The following FBXW11 variants were observed in gnomAD, a reference collection of about 807,000 sequenced individuals.
FBXW11 encodes the protein F-box and WD repeat domain containing 11, also known as F-box/WD repeat-containing protein 11.
Under a neutral mutation model 77.6 loss-of-function variants are expected in FBXW11, and 19 were observed. The observed-to-expected ratio is 0.24, with a 90% CI of 0.17 to 0.36. The LOEUF (loss-of-function observed/expected upper bound fraction) is 0.36. FBXW11 is among the 10% of genes least tolerant of loss of function. The pLI is 1.00. For missense variants in FBXW11, 334 were observed against 704.2 expected, an observed-to-expected ratio of 0.47 and a Z score of 5.95; for synonymous variants, 235 against 249.4, an observed-to-expected ratio of 0.94 and a Z score of 0.54.
At chr5:171,939,606 G>A (rs1345154416) in intron 2 of FBXW11, among the ~76,000 whole-genome samples, 2 of 151,372 alleles carry the variant, frequency 1.3e-5, no homozygotes, top group African/African-American at 4.9e-5. Context: ...GCTGAGTGGG[G>A]AGGATCACTT....
intron 2 of FBXW11, among the ~76,000 whole-genome samples, chr5:171,945,231 A>C (rs1762947682): frequency 6.6e-6 from 1 of 152,258 alleles, no homozygotes; most frequent in African/African-American, 2.4e-5. Context: ...TGAAGAGGAG[A>C]TATCTGATCA....
chr5:171,983,180 C>T (rs1388488639), intron 1 of FBXW11, among the ~76,000 whole-genome samples: 1 of 151,876 alleles, frequency 6.6e-6, no homozygotes, highest in South Asian at 2.1e-4. Context: ...AGAGCAAGAC[C>T]GTCTCAAAAA....
chr5:171,896,228 A>G (rs1759737523), intron 6 of FBXW11, among the ~76,000 whole-genome samples: 1 of 152,198 alleles, frequency 6.6e-6, no homozygotes, highest in Admixed American at 6.5e-5. Context: ...GTGGAGGAAG[A>G]AGGAAAAAAA....
intron 1 of FBXW11, among the ~76,000 whole-genome samples, chr5:172,004,105 T>C (rs991496548): frequency 3.3e-5 from 5 of 152,224 alleles, no homozygotes; most frequent in African/African-American, 1.2e-4. Context: ...TTCTGGAAAC[T>C]GTAATTGAAA....
chr5:172,003,145 C>T (rs1404489525), intron 1 of FBXW11: 1 of 152,090 alleles, frequency 6.6e-6, no homozygotes, highest in Non-Finnish European at 1.5e-5. Context: ...ATAAACCATC[C>T]ATTAATTGTG....
intron 2 of FBXW11, among the ~76,000 whole-genome samples, chr5:171,936,935 C>T (rs148388095): frequency 2.6e-5 from 4 of 152,244 alleles, no homozygotes; most frequent in Non-Finnish European, 5.9e-5. Context: ...AAAAGAAGAA[C>T]AATTCCTTCA....
chr5:171,992,330 G>A lies in FBXW11; in HGVS notation c.45+14128C>T, dbSNP rs12654059. Among the ~76,000 whole-genome samples, 84 of 152,078 alleles carry A rather than the reference G, an allele frequency of 5.5e-4. 1 individual carries two copies. The South Asian group carries it at 0.016, about 30-fold the overall frequency. On this transcript the variant is annotated intron_variant, in intron 1 of 13. Transcript: ENST00000517395. ...GTAGTCCCAGCTACCAGGAGGCTGA[G>A]GTGGGAGAATCGCTTGAACCCAGGA...
intron 7 of FBXW11, among the ~76,000 whole-genome samples, chr5:171,891,056 C>T (rs1759314285): frequency 6.6e-6 from 1 of 152,148 alleles, no homozygotes; most frequent in Admixed American, 6.5e-5. Flanking sequence ...AGTTTATCTA[C>T]TACTGAAAAG....
At chr5:171,931,872 T>C (rs1179862785) in intron 2 of FBXW11, among the ~76,000 whole-genome samples, 6 of 95,690 alleles carry the variant, frequency 6.3e-5, no homozygotes, top group African/African-American at 2.7e-4. Context: ...TCTCTCTCTC[T>C]CTCTCTCTCT....
intron 1 of FBXW11, among the ~76,000 whole-genome samples, chr5:172,006,031 C>T (rs906147678): frequency 6.6e-6 from 1 of 152,070 alleles, no homozygotes; most frequent in Non-Finnish European, 1.5e-5. Context: ...CAACCCATCT[C>T]CGTACTCCTT....
At chr5:171,970,799 C>T (rs1477188206) in intron 1 of FBXW11, among the ~76,000 whole-genome samples, 1 of 152,142 alleles carries the variant, frequency 6.6e-6, no homozygotes, top group Non-Finnish European at 1.5e-5. Context: ...TTTACACTTG[C>T]TCTTCTTCAT....
chr5:171,982,835 A>G (rs1463775744), intron 1 of FBXW11, among the ~76,000 whole-genome samples: 1 of 152,046 alleles, frequency 6.6e-6, no homozygotes, highest in African/African-American at 2.4e-5. Flanking sequence ...CACGACTCTA[A>G]TCTTTAAGAT....
At chr5:171,926,518 G>GGCATGAGTGAGT (rs1357155924) in intron 2 of FBXW11, among the ~76,000 whole-genome samples, 4 of 152,254 alleles carry the variant, frequency 2.6e-5, no homozygotes, top group Admixed American at 1.3e-4. Context: ...GTGCTGTCGT[G>GGCATGAGTGAGT]GCATGAGTGA....
intron 1 of FBXW11, among the ~76,000 whole-genome samples, chr5:171,992,498 A>AAG (rs773085535): frequency 6.6e-6 from 1 of 151,878 alleles, no homozygotes; most frequent in Non-Finnish European, 1.5e-5. Flanking sequence ...GAAGAAAGAA[A>AAG]AGAGAGAGAA....
intron 7 of FBXW11, among the ~76,000 whole-genome samples, chr5:171,883,517 T>G (rs1444286266): frequency 1.3e-5 from 2 of 152,114 alleles, no homozygotes; most frequent in African/African-American, 4.8e-5. Context: ...CCCTAAAACT[T>G]AAAGTATAAT....
At chr5:171,891,652 T>C in intron 6 of FBXW11, 48 bp from the exon 7 acceptor site, 6 of 1,581,236 alleles carry the variant, frequency 3.8e-6, no homozygotes, top group Non-Finnish European at 5.1e-6. Context: ...ATCAACTTAC[T>C]CTATTAGGTT....
At chr5:171,981,079 T>C (rs948378782) in intron 1 of FBXW11, among the ~76,000 whole-genome samples, 10 of 151,996 alleles carry the variant, frequency 6.6e-5, no homozygotes, top group African/African-American at 2.4e-4. Context: ...GGAATTGAGT[T>C]AATCACCAAT....
intron 2 of FBXW11, among the ~76,000 whole-genome samples, chr5:171,933,560 T>G (rs1762326306): frequency 6.6e-6 from 1 of 152,166 alleles, no homozygotes; most frequent in Non-Finnish European, 1.5e-5. Context: ...CCCTGTGGTA[T>G]GGGATGCCCA....
Position 171,915,021 on chromosome 5 carries a change from A to G in FBXW11, c.148-616T>C, listed in dbSNP as rs144743709. The stretch of plus-strand genomic sequence containing the variant: ...CTTTTGATTTTTGTGCTTACTGCAC[A>G]AAGAGGTACTGTGTAATTATTCTTT... On this transcript the variant is annotated intron_variant, in intron 2 of 13. Coordinates refer to ENST00000517395, the MANE Select transcript of FBXW11 (RefSeq NM_001378974.1). Among the ~76,000 whole-genome samples the G allele has an allele frequency of 3.7e-3, 571 of 152,326 alleles. 3 individuals are homozygous for G. Among genetic ancestry groups the G allele is most frequent in the African/African-American group, 0.013 (545 of 41,570 alleles).
Sources: allele counts gnomAD v4.1 joint callset (sites outside exome capture counted in the v4.1 genomes callset), GRCh38; gene constraint gnomAD v4.1.1; transcripts MANE v1.5; gene names NCBI Gene and HGNC (gene_info 2026-07-23, HGNC 2026-07-21).